The following OPCML variants were observed in gnomAD, a reference collection of about 807,000 sequenced individuals.
The protein encoded by OPCML is opioid-binding protein/cell adhesion molecule.
A neutral mutation model predicts 37.8 loss-of-function variants in OPCML; 13 were observed. That is an observed-to-expected ratio of 0.34 (90% confidence interval 0.22 to 0.55). The LOEUF is 0.55. Among genes scored for constraint, OPCML ranks in the 20% least tolerant of loss-of-function variants. The probability of loss-of-function intolerance (pLI) is 0.91; values close to 1 mark genes in which losing one functional copy is unlikely to be tolerated. For missense variants in OPCML, 341 were observed against 435.6 expected (o/e 0.78, Z 1.93); for synonymous variants, 176 against 168.8 (o/e 1.04, Z -0.33).
chr11:132,630,341 C>A (rs547259681), intron 3 of OPCML, among the ~76,000 whole-genome samples: 1 of 152,086 alleles, frequency 6.6e-6, no homozygotes, highest in African/African-American at 2.4e-5. Flanking sequence ...GGGGCGGTCA[C>A]GAGGTCAAGA....
At chr11:133,031,689 G>T (rs745438286) in intron 1 of OPCML, among the ~76,000 whole-genome samples, 6 of 152,038 alleles carry the variant, frequency 3.9e-5, no homozygotes, top group Non-Finnish European at 8.8e-5. Context: ...GTGGCTATAG[G>T]TTTCACTTCT....
chr11:132,559,456 T>C lies in OPCML; in HGVS notation c.380-30270A>G, dbSNP rs1236849136. The stretch of plus-strand genomic sequence containing the variant: ...TTTAAGAGCAGCTAAGCTGTTGCTA[T>C]GGAAATAGGTAAAAGCTAATCCATT... On this transcript the variant is annotated intron_variant, in intron 3 of 7. Coordinates refer to ENST00000524381, the MANE Select transcript of OPCML (RefSeq NM_001012393.5). Among the ~76,000 whole-genome samples the C allele has an allele frequency of 2.6e-5, 4 of 152,202 alleles. No individual in the cohort carries two copies. In the East Asian group the frequency reaches 5.8e-4, roughly 22 times the overall value.
At chr11:133,054,493 A>AAC (rs1565421195) in intron 1 of OPCML, among the ~76,000 whole-genome samples, 1 of 152,168 alleles carries the variant, frequency 6.6e-6, no homozygotes, top group East Asian at 1.9e-4. Context: ...TTTTGCCTGG[A>AAC]ACACTGCTCT....
chr11:133,007,936 T>C, intron 1 of OPCML: 1 of 985,478 alleles, frequency 1.0e-6, no homozygotes, highest in Non-Finnish European at 1.2e-6. Context: ...TGCATTTATG[T>C]TTTATATATT....
At chr11:132,985,751 T>C (rs1565382597) in intron 1 of OPCML, among the ~76,000 whole-genome samples, 1 of 152,186 alleles carries the variant, frequency 6.6e-6, no homozygotes, top group African/African-American at 2.4e-5. Context: ...ACTAGGTCCA[T>C]CTTACAATTC....
chr11:133,258,998 A>C (rs1941410111), intron 1 of OPCML, among the ~76,000 whole-genome samples: 1 of 152,214 alleles, frequency 6.6e-6, no homozygotes, highest in African/African-American at 2.4e-5. Context: ...GAAACTAAAA[A>C]TTAAATTAAA....
chr11:132,738,539 A>C (rs1945331357), intron 2 of OPCML, among the ~76,000 whole-genome samples: 1 of 152,214 alleles, frequency 6.6e-6, no homozygotes, highest in East Asian at 1.9e-4. Context: ...GTAACATGAA[A>C]GTCTGACCTT....
At chr11:132,483,519 C>T (rs1002857209) in intron 4 of OPCML, among the ~76,000 whole-genome samples, 1 of 152,006 alleles carries the variant, frequency 6.6e-6, no homozygotes, top group Non-Finnish European at 1.5e-5. Context: ...TCAATGCCGT[C>T]CCCATCAAGC....
intron 1 of OPCML, among the ~76,000 whole-genome samples, chr11:133,481,752 A>T (rs1947376907): frequency 6.6e-6 from 1 of 152,216 alleles, no homozygotes; most frequent in Non-Finnish European, 1.5e-5. Context: ...GGGGAAAGTT[A>T]AATGAAATAA....
chr11:133,339,666 C>G (rs546414517), intron 1 of OPCML, among the ~76,000 whole-genome samples: 23 of 152,298 alleles, frequency 1.5e-4, no homozygotes, highest in African/African-American at 5.5e-4. Flanking sequence ...CTGCAGTGGT[C>G]TCTAGAGGGC....
intron 2 of OPCML, among the ~76,000 whole-genome samples, chr11:132,666,658 G>A (rs1046809780): frequency 3.9e-5 from 6 of 152,210 alleles, no homozygotes; most frequent in Non-Finnish European, 7.3e-5. Context: ...TGATAACTCA[G>A]AAGAAAAACT....
chr11:133,199,727 T>A (rs1938688965), intron 1 of OPCML, among the ~76,000 whole-genome samples: 1 of 152,212 alleles, frequency 6.6e-6, no homozygotes, highest in African/African-American at 2.4e-5. Context: ...AGGCCTCTAA[T>A]CCTTAATTAA....
At chr11:133,070,267 A>G (rs571740346) in intron 1 of OPCML, among the ~76,000 whole-genome samples, 2 of 152,214 alleles carry the variant, frequency 1.3e-5, no homozygotes, top group African/African-American at 4.8e-5. Flanking sequence ...TTAGCTCTGC[A>G]GCAAGCAAAG....
At chr11:132,533,766 C>T (rs1330988225) in intron 3 of OPCML, among the ~76,000 whole-genome samples, 1 of 152,106 alleles carries the variant, frequency 6.6e-6, no homozygotes, top group African/African-American at 2.4e-5. Context: ...GCTTGGAAAA[C>T]CCATTCCCAC....
intron 2 of OPCML, among the ~76,000 whole-genome samples, chr11:132,830,522 T>C (rs1210565582): frequency 6.6e-6 from 1 of 152,214 alleles, no homozygotes; most frequent in Non-Finnish European, 1.5e-5. Flanking sequence ...CCAGGATGCC[T>C]TCTGCAGTTC....
chr11:132,666,357 C>T (rs1942218058), intron 2 of OPCML, among the ~76,000 whole-genome samples: 1 of 152,126 alleles, frequency 6.6e-6, no homozygotes, highest in Non-Finnish European at 1.5e-5. Context: ...ACAACCAGCT[C>T]TCTTGTGAAC....
intron 1 of OPCML, among the ~76,000 whole-genome samples, chr11:133,519,788 G>A (rs888555491): frequency 2.0e-5 from 3 of 152,174 alleles, no homozygotes; most frequent in East Asian, 1.9e-4. Context: ...CTACAGGCAC[G>A]TGTGCCTGCC....
At chr11:132,440,063 T>C (rs1282214544) in intron 4 of OPCML, among the ~76,000 whole-genome samples, 1 of 152,180 alleles carries the variant, frequency 6.6e-6, no homozygotes, top group African/African-American at 2.4e-5. Context: ...CGTGTGCATT[T>C]ACATGGGTAA....
intron 2 of OPCML, among the ~76,000 whole-genome samples, chr11:132,893,396 C>T (rs1451703329): frequency 1.3e-5 from 2 of 152,216 alleles, no homozygotes; most frequent in Non-Finnish European, 2.9e-5. Context: ...CGGTGCAGCC[C>T]TATTTGCTGC....
Sources: gnomAD v4.1 joint callset for allele counts (sites outside exome capture counted in the v4.1 genomes callset) on GRCh38, gnomAD v4.1.1 for gene constraint, MANE v1.5 for transcripts, NCBI Gene and HGNC (gene_info 2026-07-23, HGNC 2026-07-21) for gene names.